The following CNTN3 variants were observed in gnomAD, a reference collection of about 807,000 sequenced individuals.
CNTN3 encodes contactin-3.
Under a neutral mutation model 119.1 loss-of-function variants are expected in CNTN3, and 60 were observed. The ratio of observed to expected loss-of-function variants is 0.50; its 90% confidence interval spans 0.41 to 0.62. CNTN3 has a LOEUF of 0.62. Among genes scored for constraint, CNTN3 ranks in the 20% least tolerant of loss-of-function variants. The pLI is 0.00. For missense variants in CNTN3, 1,101 were observed against 1,242.4 expected, an observed-to-expected ratio of 0.89 and a Z score of 1.71; for synonymous variants, 450 against 438.7, an observed-to-expected ratio of 1.03 and a Z score of -0.32.
At chr3:74,596,345 T>C (rs923706034) in intron 1 of CNTN3, among the ~76,000 whole-genome samples, 2 of 152,148 alleles carry the variant, frequency 1.3e-5, no homozygotes, top group African/African-American at 4.8e-5. Context: ...ACTTTAACGT[T>C]CATGTGGAAC....
chr3:74,459,979 T>C (rs1702336082), intron 4 of CNTN3, among the ~76,000 whole-genome samples: 1 of 152,078 alleles, frequency 6.6e-6, no homozygotes, highest in African/African-American at 2.4e-5. Context: ...CTCCAAGTCT[T>C]ACTGTACAAT....
intron 22 of CNTN3, among the ~76,000 whole-genome samples, chr3:74,265,485 T>C (rs860561): frequency 0.037 from 5,641 of 152,254 alleles, 301 homozygotes; most frequent in African/African-American, 0.12. Context: ...TCTATTGAAG[T>C]GCATACAGTT....
chr3:74,533,911 A>G (rs1703727081), intron 1 of CNTN3, among the ~76,000 whole-genome samples: 1 of 152,024 alleles, frequency 6.6e-6, no homozygotes, highest in Non-Finnish European at 1.5e-5. Flanking sequence ...CCTAGGGGTT[A>G]GGGTTTAGTG....
chr3:74,353,789 AAAATT>A (rs1278424931), intron 11 of CNTN3, among the ~76,000 whole-genome samples: 2 of 152,058 alleles, frequency 1.3e-5, no homozygotes, highest in African/African-American at 4.8e-5. Flanking sequence ...TAAATAAAAT[AAAATT>A]AAGGCATAAT....
At chr3:74,448,618 C>T (rs1702090586) in intron 4 of CNTN3, among the ~76,000 whole-genome samples, 2 of 152,062 alleles carry the variant, frequency 1.3e-5, no homozygotes, top group African/African-American at 2.4e-5. Context: ...AACTATAAAA[C>T]AAGGAGAACA....
intron 5 of CNTN3, among the ~76,000 whole-genome samples, chr3:74,406,271 G>A (rs1441752246): frequency 6.6e-6 from 1 of 151,968 alleles, no homozygotes; most frequent in African/African-American, 2.4e-5. Context: ...AACAAAGATT[G>A]TTTCTAAGGT....
intron 4 of CNTN3, among the ~76,000 whole-genome samples, chr3:74,442,006 G>A (rs955546094): frequency 2.0e-5 from 3 of 151,846 alleles, no homozygotes; most frequent in Non-Finnish European, 4.4e-5. Flanking sequence ...TGAGGTAGAA[G>A]GCTTTTACAG....
At chr3:74,589,173 T>C (rs1249790263) in intron 1 of CNTN3, among the ~76,000 whole-genome samples, 9 of 151,968 alleles carry the variant, frequency 5.9e-5, no homozygotes, top group African/African-American at 7.3e-5. Flanking sequence ...ACAGGCAACC[T>C]ACAAAATGGG....
intron 4 of CNTN3, among the ~76,000 whole-genome samples, chr3:74,436,412 A>T (rs2106919251): frequency 6.6e-6 from 1 of 152,254 alleles, no homozygotes; most frequent in East Asian, 1.9e-4. Flanking sequence ...CCTCAATCTA[A>T]GCAGTACGAT....
chr3:74,564,133 T>C (rs1704193444), intron 1 of CNTN3, among the ~76,000 whole-genome samples: 1 of 152,162 alleles, frequency 6.6e-6, no homozygotes, highest in African/African-American at 2.4e-5. Context: ...ACAATGCTTA[T>C]GCTATGGAGG....
In CNTN3 at chr3:74,485,590, G is replaced by A. The variant is rs10428239; in HGVS notation, c.358+866C>T. Among the ~76,000 whole-genome samples the A allele has an allele frequency of 6.5e-3, 996 of 152,074 alleles. 10 individuals are homozygous for A. Among genetic ancestry groups the A allele is most frequent in the African/African-American group, 0.021 (886 of 41,538 alleles). On this transcript the variant is annotated intron_variant, in intron 4 of 22. Coordinates refer to ENST00000263665, the MANE Select transcript of CNTN3 (RefSeq NM_020872.3). The stretch of plus-strand genomic sequence containing the variant: ...TAATAAAAAGTTTATGGGGAAAACA[G>A]AAAGAATACTACCTCATTATAAGAA...
At chr3:74,518,519 T>C (rs895081907) in intron 2 of CNTN3, among the ~76,000 whole-genome samples, 11 of 151,876 alleles carry the variant, frequency 7.2e-5, no homozygotes, top group African/African-American at 2.4e-4. Flanking sequence ...GGCAATTGCT[T>C]ACTCGAAGTG....
chr3:74,312,997 A>G (rs1302248048), intron 13 of CNTN3, among the ~76,000 whole-genome samples: 1 of 144,558 alleles, frequency 6.9e-6, no homozygotes, highest in African/African-American at 2.5e-5. Flanking sequence ...AACCAAAAAC[A>G]AAAAAAAAAA....
chr3:74,602,312 A>AG (rs1272951845), intron 1 of CNTN3, among the ~76,000 whole-genome samples: 1 of 150,866 alleles, frequency 6.6e-6, no homozygotes, highest in Non-Finnish European at 1.5e-5. Flanking sequence ...AAAAAAAAAA[A>AG]AAAAAAAAAA....
chr3:74,301,754 G>C lies in CNTN3; in HGVS notation c.1838C>G (p.Thr613Arg). The change falls in exon 15 of 23, where the codon ACA (threonine) becomes AGA (arginine). Residue 613 changes from threonine (T) to arginine (R), a missense_variant. By Grantham distance (71) the Thr-to-Arg change is moderately conservative. Transcript: ENST00000263665. ...NVKVDEITDTTAQLSWKEGKD... is the reference protein window; with the variant it reads ...NVKVDEITDTRAQLSWKEGKD... ...ACCTTCTTTCCAAGAGAGTTGGGCT[G>C]TTGTGTCTGTAATTTCATCTACCTT... 2 of 1,614,112 alleles carry C rather than the reference G, an allele frequency of 1.2e-6. No homozygotes were observed. Among genetic ancestry groups the C allele is most frequent in the East Asian group, 2.2e-5 (1 of 44,880 alleles).
intron 5 of CNTN3, among the ~76,000 whole-genome samples, chr3:74,396,357 A>G (rs1181841081): frequency 6.6e-6 from 1 of 152,228 alleles, no homozygotes; most frequent in Non-Finnish European, 1.5e-5. Flanking sequence ...CACATGAATG[A>G]TAAGAAAGCA....
chr3:74,436,609 T>C (rs756506969), intron 4 of CNTN3, among the ~76,000 whole-genome samples: 2 of 152,096 alleles, frequency 1.3e-5, no homozygotes, highest in Non-Finnish European at 2.9e-5. Context: ...GAAATATGAA[T>C]ATGAAAAAAG....
Position 74,426,616 on chromosome 3 carries a change from CTT to C in CNTN3, c.359-1678_359-1677del, listed in dbSNP as rs573018640. On this transcript the variant is annotated intron_variant, in intron 4 of 22. Coordinates refer to ENST00000263665, the MANE Select transcript of CNTN3 (RefSeq NM_020872.3). ...GAGTAAAGTGATTCAGCAAAACTCT[CTT>C]GTGTGTGCCCAGAAAAGAAGAAAAA... Among the ~76,000 whole-genome samples, 215 of 152,270 alleles carry C rather than the reference CTT, an allele frequency of 1.4e-3. 1 individual carries two copies. The highest frequency in any genetic ancestry group is 4.9e-3 in the African/African-American group (204 of 41,564).
chr3:74,587,490 T>C (rs1575848838), intron 1 of CNTN3, among the ~76,000 whole-genome samples: 1 of 152,200 alleles, frequency 6.6e-6, no homozygotes, highest in East Asian at 1.9e-4. Flanking sequence ...GGTCTCTGTG[T>C]AACTACAATG....
Sources: allele counts gnomAD v4.1 joint callset (sites outside exome capture counted in the v4.1 genomes callset), GRCh38; gene constraint gnomAD v4.1.1; transcripts MANE v1.5; gene names NCBI Gene and HGNC (gene_info 2026-07-23, HGNC 2026-07-21).